Variants in BRD1 observed in about 807,000 individuals in gnomAD.
BRD1 encodes bromodomain-containing protein 1.
In BRD1, 24 loss-of-function variants were observed where a neutral mutation model predicts 107.7. That is an observed-to-expected ratio of 0.22 (90% CI 0.16 to 0.31). The LOEUF (loss-of-function observed/expected upper bound fraction) is 0.31. Among genes scored for constraint, BRD1 ranks in the 10% least tolerant of loss-of-function variants. The pLI is 1.00. For synonymous variants in BRD1, 744 were observed against 686.1 expected, an observed-to-expected ratio of 1.08 and a Z score of -1.32; for missense variants, 1,279 against 1,638.6, an observed-to-expected ratio of 0.78 and a Z score of 3.79.
In BRD1 at chr22:49,777,707, G is replaced by A. The variant is rs771556378; in HGVS notation, c.2964C>T (p.Ser988=). The stretch of plus-strand genomic sequence containing the variant: ...AGTCGCAGAGCGGGCTGTTGCTGGA[G>A]GAGATGCTGGACTCGGAGGCACAGC... ...RRRCASESSI[S]SSNSPLCDSS... is the part of the protein sequence containing the mutation. Residue 988 remains serine (S), a synonymous_variant, in exon 9 of 13, where the codon TCC becomes TCT. Coordinates refer to ENST00000404760, the MANE Select transcript of BRD1 (RefSeq NM_001304808.3). The A allele has an allele frequency of 3.1e-6, 5 of 1,608,458 alleles. No homozygotes were observed. The highest frequency in any genetic ancestry group is 4.2e-6 in the Non-Finnish European group (5 of 1,178,446).
Position 49,787,721 on chromosome 22 carries a change from AGTGCAAGCGCTATGT to A in BRD1, c.2511_2525del (p.His838_Thr842del). The A allele has an allele frequency of 6.4e-7, 1 of 1,550,808 alleles. No homozygotes were observed. Among genetic ancestry groups the A allele is most frequent in the Non-Finnish European group, 8.7e-7 (1 of 1,147,034 alleles). ...GGCGTCCGCTTACCAGTGCGCTCTG[AGTGCAAGCGCTATGT>A]GATTCATTATCAAATGTGACTCTTT... On this transcript the variant is annotated inframe_deletion, in exon 8 of 13. Coordinates refer to ENST00000404760, the MANE Select transcript of BRD1 (RefSeq NM_001304808.3).
intron 3 of BRD1, among the ~76,000 whole-genome samples, chr22:49,800,756 G>T (rs1348810131): frequency 6.6e-6 from 1 of 152,162 alleles, no homozygotes; most frequent in Non-Finnish European, 1.5e-5. Context: ...TCAAGGGCTC[G>T]ATATTTCCCA....
In BRD1 at chr22:49,792,780, T is replaced by G. The variant is rs1157193023; in HGVS notation, c.2359+1254A>C. Among the ~76,000 whole-genome samples the G allele has an allele frequency of 6.6e-6, 1 of 152,078 alleles. No individual in the cohort carries two copies. The highest frequency in any genetic ancestry group is 2.4e-5 in the African/African-American group (1 of 41,388). Reference sequence around the variant, plus strand: ...TCAGCTGTGTGCACAGGAGTAAGTTTCTAAGAGAAAGAAAAGCTTAATGGC... The same window carrying G: ...TCAGCTGTGTGCACAGGAGTAAGTTGCTAAGAGAAAGAAAAGCTTAATGGC... On this transcript the variant is annotated intron_variant, in intron 7 of 12. Coordinates refer to ENST00000404760, the MANE Select transcript of BRD1 (RefSeq NM_001304808.3). This position sits in a 1 kb window ranked among gnomAD's most constrained non-coding sequence, Gnocchi z 4.2.
intron 12 of BRD1, among the ~76,000 whole-genome samples, chr22:49,774,868 G>C (rs1179060253): frequency 6.6e-6 from 1 of 152,266 alleles, no homozygotes; most frequent in African/African-American, 2.4e-5. Flanking sequence ...GGAAGAGAAA[G>C]ACGGTAGGGA....
At chr22:49,805,704 C>G (rs1203380087) in intron 2 of BRD1, 1 of 150,570 alleles carries the variant, frequency 6.6e-6, no homozygotes, top group Non-Finnish European at 1.5e-5. Context: ...CATGTGCAGT[C>G]AATAGCACAA....
chr22:49,777,649 G>GA, intron 9 of BRD1, 29 bp downstream of exon 9: 2 of 1,594,824 alleles, frequency 1.3e-6, no homozygotes, highest in Non-Finnish European at 1.7e-6. Flanking sequence ...GGAGCTGCGT[G>GA]GTGGGAAGCG....
rs2060138159 is a variant in BRD1 at position 49,825,613 on chromosome 22, T to TCGCAAAACAAATATTCTCAGCTGAAGC, written c.-14-1309_-14-1283dup. ...GCAAAATGATTTTTCAGTGACTGAC[T>TCGCAAAACAAATATTCTCAGCTGAAGC]CGCAAAACAAATATTCTCAGCTGAA... On this transcript the variant is annotated intron_variant, in intron 1 of 12. Transcript: ENST00000404760. 8 of 152,354 alleles carry TCGCAAAACAAATATTCTCAGCTGAAGC rather than the reference T, an allele frequency of 5.3e-5. No homozygotes were observed. The South Asian group carries it at 1.7e-3, about 32-fold the overall frequency. 9.4% of individuals were successfully genotyped at this position (152,354 alleles called of 1,614,324 possible).
At chr22:49,804,130 T>C in intron 3 of BRD1, 74 bp downstream of exon 3, 2 of 1,397,394 alleles carry the variant, frequency 1.4e-6, no homozygotes, top group East Asian at 2.5e-5. Flanking sequence ...GTGACCAGCC[T>C]GAACCAGGTG....
Position 49,798,688 on chromosome 22 carries a change from TG to T in BRD1, c.1657-3del, listed in dbSNP as rs760504777. 40 of 1,597,690 alleles carry T rather than the reference TG, an allele frequency of 2.5e-5. No homozygotes were observed. Among genetic ancestry groups the T allele is most frequent in the Admixed American group, 5.1e-5 (3 of 58,418 alleles). ...CATGGCGACCTGCTCCACCTTCACC[TG>T]GGGGGGCCCAGCAGAGCCTCAGCTT... On this transcript the variant is annotated splice_region_variant and splice_polypyrimidine_tract_variant and intron_variant, in intron 4 of 12. Coordinates refer to ENST00000404760, the MANE Select transcript of BRD1 (RefSeq NM_001304808.3).
intron 8 of BRD1, among the ~76,000 whole-genome samples, chr22:49,782,426 G>A (rs1482799605): frequency 6.8e-6 from 1 of 147,186 alleles, no homozygotes; most frequent in Non-Finnish European, 1.5e-5. Flanking sequence ...CAAGGCCCAG[G>A]CCAGATGCCT....
At chr22:49,809,130 AAAG>A (rs2059801736) in intron 2 of BRD1, among the ~76,000 whole-genome samples, 1 of 151,730 alleles carries the variant, frequency 6.6e-6, no homozygotes, top group South Asian at 2.1e-4. Flanking sequence ...GAGGAAAAAT[AAAG>A]AAAAAGGGAA....
chr22:49,789,977 G>A (rs1408821700), intron 7 of BRD1, among the ~76,000 whole-genome samples: 1 of 152,226 alleles, frequency 6.6e-6, no homozygotes, highest in African/African-American at 2.4e-5. Flanking sequence ...CCCTGTCTCA[G>A]CCATGCATGC....
chr22:49,800,740 C>T (rs952885387), intron 3 of BRD1, among the ~76,000 whole-genome samples: 2 of 152,180 alleles, frequency 1.3e-5, no homozygotes, highest in East Asian at 1.9e-4. Flanking sequence ...GTTCCTTACT[C>T]GGCTCTCAAG....
chr22:49,780,467 G>T (rs939373404), intron 8 of BRD1, among the ~76,000 whole-genome samples: 1 of 152,154 alleles, frequency 6.6e-6, no homozygotes, highest in African/African-American at 2.4e-5. Context: ...CCCAGCAGGA[G>T]GCCTGGCGGG....
At chr22:49,826,935 C>T (rs2060153403) in intron 1 of BRD1, among the ~76,000 whole-genome samples, 1 of 152,178 alleles carries the variant, frequency 6.6e-6, no homozygotes, top group South Asian at 2.1e-4. Flanking sequence ...GGGGAAGCCT[C>T]GCGTTCGTCG....
chr22:49,819,236 G>C (rs1055550966), intron 2 of BRD1, among the ~76,000 whole-genome samples: 3 of 151,894 alleles, frequency 2.0e-5, no homozygotes, highest in African/African-American at 7.3e-5. Context: ...CTCCAGCCTG[G>C]GCAACAGAGC....
chr22:49,790,842 C>T (rs906966456), intron 7 of BRD1, among the ~76,000 whole-genome samples: 13 of 152,238 alleles, frequency 8.5e-5, no homozygotes, highest in Admixed American at 3.9e-4. Context: ...CAGTTCTCCA[C>T]GTGCTCAGCG....
Position 49,792,530 on chromosome 22 carries a change from G to A in BRD1, c.2359+1504C>T, listed in dbSNP as rs2059454309. Among the ~76,000 whole-genome samples the A allele has an allele frequency of 1.3e-5, 2 of 152,264 alleles. No individual in the cohort carries two copies. The highest frequency in any genetic ancestry group is 4.8e-5 in the African/African-American group (2 of 41,472). On this transcript the variant is annotated intron_variant, in intron 7 of 12. Transcript: ENST00000404760. This position sits in a 1 kb window ranked among gnomAD's most constrained non-coding sequence, Gnocchi z 4.2. ...GAAAAAACACGAGGCCCCCAAAGCA[G>A]AGGAGGGATCACGTGCCAACAATAA...
In BRD1 at chr22:49,777,642, G is replaced by C. The variant is rs1324497816; in HGVS notation, c.2993+36C>G. On this transcript the variant is annotated intron_variant, in intron 9 of 12. Coordinates refer to ENST00000404760, the MANE Select transcript of BRD1 (RefSeq NM_001304808.3). ...CCAGGCGGGGCGGGCGGTGCTGGGA[G>C]CTGCGTGGTGGGAAGCGCAGGGCCG... 3.1e-6 allele frequency: 5 copies of C among 1,590,440 alleles called. No homozygotes were observed. In the East Asian group the frequency reaches 1.1e-4, roughly 36 times the overall value.
Sources: gnomAD v4.1 joint callset for allele counts (sites outside exome capture counted in the v4.1 genomes callset) on GRCh38, gnomAD v4.1.1 for gene constraint, Gnocchi (gnomAD v3.1) non-coding constraint, MANE v1.5 for transcripts, NCBI Gene and HGNC (gene_info 2026-07-23, HGNC 2026-07-21) for gene names.